Variants in BRDT observed in about 807,000 individuals in gnomAD.
The protein encoded by BRDT is bromodomain testis associated, also known as bromodomain testis-specific protein.
A neutral mutation model predicts 113.9 loss-of-function variants in BRDT; 77 were observed. The ratio of observed to expected loss-of-function variants is 0.68; its 90% CI spans 0.56 to 0.82. The LOEUF is 0.82. Among genes scored for constraint, BRDT ranks in the 40% least tolerant of loss-of-function variants. BRDT has a pLI of 0.00. For synonymous variants in BRDT, 358 were observed against 366.5 expected (o/e 0.98, Z 0.26); for missense variants, 1,027 against 1,105.4 (o/e 0.93, Z 1.01).
chr1:91,959,435 T>A (rs1375693100), intron 1 of BRDT, among the ~76,000 whole-genome samples: 1 of 150,226 alleles, frequency 6.7e-6, no homozygotes, highest in Non-Finnish European at 1.5e-5. Context: ...TTTTTTTTTT[T>A]TATTTTACAG....
At chr1:91,972,603 G>A (rs371118137) in intron 4 of BRDT, among the ~76,000 whole-genome samples, 1 of 152,184 alleles carries the variant, frequency 6.6e-6, no homozygotes, top group East Asian at 1.9e-4. Context: ...AACAAGTACT[G>A]CATTAGGCAC....
At chr1:91,967,822 C>G (rs1683231329) in intron 3 of BRDT, among the ~76,000 whole-genome samples, 1 of 152,190 alleles carries the variant, frequency 6.6e-6, no homozygotes, top group South Asian at 2.1e-4. Flanking sequence ...CGTGAGCCAC[C>G]ATGCCTGGCG....
At chr1:91,991,605 G>A (rs922973712) in intron 13 of BRDT, among the ~76,000 whole-genome samples, 1 of 152,156 alleles carries the variant, frequency 6.6e-6, no homozygotes, top group South Asian at 2.1e-4. Flanking sequence ...GATGGTAGGA[G>A]AATGGTAGTT....
intron 1 of BRDT, among the ~76,000 whole-genome samples, chr1:91,959,197 A>G (rs1682138431): frequency 6.6e-6 from 1 of 152,172 alleles, no homozygotes; most frequent in African/African-American, 2.4e-5. Flanking sequence ...CAAAAACGTA[A>G]TACATAGTAA....
At chr1:92,004,266 A>G in intron 16 of BRDT, 148 bp from the exon 17 acceptor site, 1 of 513,256 alleles carries the variant, frequency 1.9e-6, no homozygotes, top group Non-Finnish European at 3.5e-6. Context: ...GTAACCTTTG[A>G]CTTTAGTAAC....
chr1:91,974,947 A>C (rs919754174), intron 4 of BRDT, among the ~76,000 whole-genome samples: 14 of 152,100 alleles, frequency 9.2e-5, no homozygotes, highest in African/African-American at 1.9e-4. Context: ...GAATACTATG[A>C]AGCCATAAAA....
intron 4 of BRDT, among the ~76,000 whole-genome samples, chr1:91,971,823 C>T (rs1379570893): frequency 6.6e-6 from 1 of 152,180 alleles, no homozygotes; most frequent in Non-Finnish European, 1.5e-5. Context: ...CACTTTGAGC[C>T]AATGCCTTCA....
rs201645346 is a variant in BRDT, at chr1:91,978,350, G to A, written c.1098+54G>A. 1.7e-4 allele frequency: 271 copies of A among 1,586,760 alleles called. 1 individual carries two copies. The highest frequency in any genetic ancestry group is 2.2e-4 in the Non-Finnish European group (260 of 1,165,728). On this transcript the variant is annotated intron_variant, in intron 7 of 18. Coordinates refer to ENST00000399546, the MANE Select transcript of BRDT (RefSeq NM_207189.4). ...TTTTTCCTCTGAACATAGTTGAAAC[G>A]TTTTTTAGAACCATAATGTAAGAGA...
intron 1 of BRDT, chr1:91,952,053 AT>A (rs1681154094): frequency 6.6e-6 from 1 of 152,238 alleles, no homozygotes; most frequent in African/African-American, 2.4e-5. Flanking sequence ...AAGAGACTGT[AT>A]CCCCAAATTC....
Position 91,981,190 on chromosome 1 carries a change from T to G in BRDT, c.1750+12T>G. The G allele has an allele frequency of 6.2e-7, 1 of 1,607,540 alleles. No individual in the cohort carries two copies. Among genetic ancestry groups the G allele is most frequent in the Non-Finnish European group, 8.5e-7 (1 of 1,177,792 alleles). ...ATTAAAACCTCCTGGTATGTATTTCTGCATATTAATAGAAATCGGTTTGGT... is the reference window on the plus strand; with the variant it reads ...ATTAAAACCTCCTGGTATGTATTTCGGCATATTAATAGAAATCGGTTTGGT... On this transcript the variant is annotated intron_variant, in intron 10 of 18. Transcript: ENST00000399546.
At chr1:92,000,613 T>C (rs1000690034) in intron 15 of BRDT, among the ~76,000 whole-genome samples, 2 of 152,164 alleles carry the variant, frequency 1.3e-5, no homozygotes, top group Non-Finnish European at 2.9e-5. Context: ...TAAGTCCCTA[T>C]AATATGTAAG....
At chr1:91,963,320 A>C (rs190510005) in intron 2 of BRDT, among the ~76,000 whole-genome samples, 23 of 152,320 alleles carry the variant, frequency 1.5e-4, no homozygotes, top group Admixed American at 1.3e-3. Context: ...ATCTCCAAAA[A>C]TAAAAAATAA....
intron 14 of BRDT, 48 bp downstream of exon 14, chr1:91,992,362 A>G (rs766547103): frequency 2.3e-6 from 3 of 1,296,442 alleles, no homozygotes; most frequent in Non-Finnish European, 3.2e-6. Flanking sequence ...AATGGTTTAC[A>G]TATAGATTAG....
intron 18 of BRDT, among the ~76,000 whole-genome samples, chr1:92,006,328 T>C (rs1300426216): frequency 6.6e-6 from 1 of 152,208 alleles, no homozygotes; most frequent in African/African-American, 2.4e-5. Flanking sequence ...CTTCACCTTT[T>C]TATGACTAGC....
At chr1:91,950,684 C>CTTTTTTTTTTT (rs67133307) in intron 1 of BRDT, 2 of 80,408 alleles carry the variant, frequency 2.5e-5, no homozygotes, top group African/African-American at 4.8e-5. Context: ...TGGATAATTG[C>CTTTTTTTTTTT]TTTTTTTTTT....
chr1:91,973,929 A>G (rs1288259371), intron 4 of BRDT, among the ~76,000 whole-genome samples: 2 of 152,196 alleles, frequency 1.3e-5, no homozygotes, highest in African/African-American at 4.8e-5. Context: ...TACTGGTACC[A>G]AAACAGAGAT....
chr1:91,988,721 T>C (rs1354456911), intron 12 of BRDT, among the ~76,000 whole-genome samples: 1 of 152,100 alleles, frequency 6.6e-6, no homozygotes, highest in Non-Finnish European at 1.5e-5. Flanking sequence ...TTTTAATTGA[T>C]GTTTGCTAGC....
intron 18 of BRDT, among the ~76,000 whole-genome samples, chr1:92,009,545 C>CTT (rs59044630): frequency 0.11 from 11,481 of 102,970 alleles, 1,377 homozygotes; most frequent in African/African-American, 0.19. Flanking sequence ...CAACTTGCCA[C>CTT]TTTTTTTTTT....
chr1:91,964,260 C>T (rs771063828), intron 2 of BRDT, among the ~76,000 whole-genome samples: 10 of 152,332 alleles, frequency 6.6e-5, no homozygotes, highest in Middle Eastern at 6.8e-3. Context: ...GGGGCTTCCC[C>T]GTGTTGGTCA....
Sources: gnomAD v4.1 joint callset for allele counts (sites outside exome capture counted in the v4.1 genomes callset) on GRCh38, gnomAD v4.1.1 for gene constraint, MANE v1.5 for transcripts, NCBI Gene and HGNC (gene_info 2026-07-23, HGNC 2026-07-21) for gene names.